The following MLIP variants were observed in gnomAD, a reference collection of about 807,000 sequenced individuals.
The protein encoded by MLIP is muscular LMNA-interacting protein.
Under a neutral mutation model 84.8 loss-of-function variants are expected in MLIP, and 79 were observed. The observed-to-expected ratio is 0.93, with a 90% CI of 0.78 to 1.12. The LOEUF (loss-of-function observed/expected upper bound fraction) is 1.12. MLIP is among the 50% of genes most tolerant of loss of function. The probability of loss-of-function intolerance (pLI) is 0.00; values close to 1 mark genes in which losing one functional copy is unlikely to be tolerated. For synonymous variants in MLIP, 504 were observed against 463.0 expected (o/e 1.09, Z -1.14); for missense variants, 1,257 against 1,160.6 (o/e 1.08, Z -1.21).
chr6:54,184,892 T>C (rs1007246797), intron 9 of MLIP, among the ~76,000 whole-genome samples: 8 of 152,222 alleles, frequency 5.3e-5, no homozygotes, highest in African/African-American at 1.9e-4. Flanking sequence ...GCCATTCTTA[T>C]ACTCATCTCA....
chr6:54,083,401 TG>T, intron 1 of MLIP: 1 of 1,404,440 alleles, frequency 7.1e-7, no homozygotes, highest in Non-Finnish European at 9.5e-7. Context: ...CCAGAGTTGT[TG>T]GGGAAGCAGG....
chr6:54,257,481 TACTA>T, intron 13 of MLIP, 120 bp downstream of exon 13: 1 of 687,674 alleles, frequency 1.5e-6, no homozygotes, highest in Non-Finnish European at 2.5e-6. Context: ...AAAGAATTAT[TACTA>T]ACTGTTTCAC....
rs1396058170 is a variant in MLIP, at chr6:54,252,129, T to A, written c.2923-5179T>A. On this transcript the variant is annotated intron_variant, in intron 12 of 13. Coordinates refer to ENST00000502396, the MANE Select transcript of MLIP (RefSeq NM_001281747.2). ...TATAATATATAACTATATTATAACA[T>A]ATAATATATAACTATAATATAACAT... is the stretch of plus-strand genomic sequence containing the variant. Among the ~76,000 whole-genome samples, 45 of 97,564 alleles carry A rather than the reference T, an allele frequency of 4.6e-4. 1 individual carries two copies. The highest frequency in any genetic ancestry group is 2.2e-3 in the African/African-American group (43 of 19,210). 64.0% of individuals were successfully genotyped at this position (97,564 alleles called of 152,430 possible).
intron 10 of MLIP, among the ~76,000 whole-genome samples, chr6:54,194,060 TA>T (rs575255839): frequency 1.8e-3 from 281 of 152,198 alleles, no homozygotes; most frequent in Middle Eastern, 3.4e-3. Context: ...CACAAAACAA[TA>T]GATTTTAAAA....
intron 11 of MLIP, among the ~76,000 whole-genome samples, chr6:54,228,949 TAAAAC>T (rs1582565496): frequency 6.6e-6 from 1 of 152,322 alleles, no homozygotes; most frequent in Non-Finnish European, 1.5e-5. Context: ...GATTTAGAAA[TAAAAC>T]AAAATTATAA....
At chr6:54,245,831 A>G (rs1782043466) in intron 12 of MLIP, among the ~76,000 whole-genome samples, 1 of 152,088 alleles carries the variant, frequency 6.6e-6, no homozygotes, top group Non-Finnish European at 1.5e-5. Context: ...CATGCAACAA[A>G]ATCTATTTTA....
At chr6:54,262,850 C>T (rs1312940511) in intron 13 of MLIP, among the ~76,000 whole-genome samples, 1 of 152,038 alleles carries the variant, frequency 6.6e-6, no homozygotes, top group Non-Finnish European at 1.5e-5. Flanking sequence ...TTAAGCCTTT[C>T]TTTTTGAATT....
rs183937202 is a variant in MLIP at position 54,028,131 on chromosome 6, A to C, written c.63+9040A>C. Among the ~76,000 whole-genome samples the C allele has an allele frequency of 1.1e-3, 169 of 152,280 alleles. 2 individuals are homozygous for C. The highest frequency in any genetic ancestry group is 3.0e-3 in the African/African-American group (125 of 41,544). The stretch of plus-strand genomic sequence containing the variant: ...TCATGAAAATAAGGAGATGATTTTT[A>C]AAAAAATGGTTAGAGGATGTTTGTA... On this transcript the variant is annotated intron_variant, in intron 1 of 12. Coordinates refer to the MLIP transcript ENST00000274897.
chr6:54,141,499 G>A (rs1772303209), intron 4 of MLIP, among the ~76,000 whole-genome samples: 1 of 151,962 alleles, frequency 6.6e-6, no homozygotes, highest in Admixed American at 6.6e-5. Flanking sequence ...TAGAGACGGG[G>A]TTTCACCATG....
rs911771305 is a variant in MLIP, at chr6:54,117,652, T to C, written c.97-3795T>C. 8.6e-5 allele frequency among the ~76,000 whole-genome samples: 13 copies of C among 151,302 alleles called. 1 individual carries two copies. Among genetic ancestry groups the C allele is most frequent in the Admixed American group, 7.3e-4 (11 of 15,172 alleles). On this transcript the variant is annotated intron_variant, in intron 1 of 13. Transcript: ENST00000502396. Reference sequence around the variant, plus strand: ...TTTGCAGATGACAGGATCTTATATATAAAAAATTTTAGGGCCGGGTGTGGT... The same window carrying C: ...TTTGCAGATGACAGGATCTTATATACAAAAAATTTTAGGGCCGGGTGTGGT...
At chr6:54,071,329 G>GA (rs111236677) in intron 1 of MLIP, among the ~76,000 whole-genome samples, 38 of 148,478 alleles carry the variant, frequency 2.6e-4, no homozygotes, top group East Asian at 7.9e-4. Context: ...TCTTCAAAAA[G>GA]AAAAAAAAAC....
intron 12 of MLIP, among the ~76,000 whole-genome samples, chr6:54,252,231 A>ATAATATATAAC (rs1582635031): frequency 2.9e-5 from 3 of 101,700 alleles, no homozygotes; most frequent in Non-Finnish European, 5.0e-5. Flanking sequence ...ATATTATAAC[A>ATAATATATAAC]TATAATATAT....
At chr6:54,026,810 G>A (rs1201693022) in intron 1 of MLIP, among the ~76,000 whole-genome samples, 2 of 152,058 alleles carry the variant, frequency 1.3e-5, no homozygotes, top group Non-Finnish European at 2.9e-5. Flanking sequence ...CTAGTATGGT[G>A]AGGAGCATGT....
intron 4 of MLIP, among the ~76,000 whole-genome samples, chr6:54,140,929 C>G (rs1449349507): frequency 6.6e-6 from 1 of 152,108 alleles, no homozygotes; most frequent in Non-Finnish European, 1.5e-5. Flanking sequence ...CTAAGCTGAG[C>G]ACAGGACTCT....
intron 1 of MLIP, among the ~76,000 whole-genome samples, chr6:54,102,942 C>T (rs991141354): frequency 1.3e-5 from 2 of 152,048 alleles, no homozygotes; most frequent in African/African-American, 4.8e-5. Flanking sequence ...ACCCATGGAG[C>T]CAGGGAAGCC....
intron 1 of MLIP, among the ~76,000 whole-genome samples, chr6:54,092,249 G>A (rs1324761427): frequency 2.0e-5 from 3 of 152,178 alleles, no homozygotes; most frequent in Non-Finnish European, 4.4e-5. Context: ...CAAAAGGGCT[G>A]AGTTCTTTTG....
At chr6:54,105,885 A>G (rs912370325) in intron 1 of MLIP, among the ~76,000 whole-genome samples, 1 of 152,140 alleles carries the variant, frequency 6.6e-6, no homozygotes, top group Non-Finnish European at 1.5e-5. Context: ...GTGTAAGATC[A>G]TTGGGCTATA....
chr6:54,213,321 C>A (rs913255792), intron 11 of MLIP, among the ~76,000 whole-genome samples: 2 of 152,138 alleles, frequency 1.3e-5, no homozygotes, highest in Non-Finnish European at 2.9e-5. Context: ...ATATAATACT[C>A]CTTAAGCATG....
chr6:54,020,921 T>TAA (rs1763463555), intron 1 of MLIP, among the ~76,000 whole-genome samples: 1 of 152,154 alleles, frequency 6.6e-6, no homozygotes, highest in Admixed American at 6.6e-5. Flanking sequence ...CTGGGGTAGT[T>TAA]AAGTGTACAA....
Sources: gnomAD v4.1 joint callset for allele counts (sites outside exome capture counted in the v4.1 genomes callset) on GRCh38, gnomAD v4.1.1 for gene constraint, MANE v1.5 for transcripts, NCBI Gene and HGNC (gene_info 2026-07-23, HGNC 2026-07-21) for gene names.